LOC122539214: variants seen among roughly 807,000 people sequenced by gnomAD.
chr19:52,681,280 C>CAAAAAAAAAAA, the LOC122539214 span, among the ~76,000 whole-genome samples: 149 of 75,418 alleles, frequency 2.0e-3, 16 homozygotes, highest in Non-Finnish European at 2.6e-3. Context: ...GAGACTTTCT[C>CAAAAAAAAAAA]AAAAAAAAAA....
chr19:52,653,058 C>G, the LOC122539214 span: 1 of 1,462,408 alleles, frequency 6.8e-7, no homozygotes. Context: ...ATTCATTACA[C>G]TTGTAAGGTT....
chr19:52,680,918 A>G, the LOC122539214 span, among the ~76,000 whole-genome samples: 1 of 151,512 alleles, frequency 6.6e-6, no homozygotes, highest in African/African-American at 2.4e-5. Flanking sequence ...GGCCTCCACA[A>G]AATATTTTAA....
chr19:52,651,858 T>A, the LOC122539214 span: 1 of 161,572 alleles, frequency 6.2e-6, no homozygotes, highest in African/African-American at 2.4e-5. Context: ...TGTGAGCAAC[T>A]GCACCCTGCC....
chr19:52,679,767 A>G, the LOC122539214 span, among the ~76,000 whole-genome samples: 159 of 152,290 alleles, frequency 1.0e-3, no homozygotes, highest in African/African-American at 3.5e-3. Flanking sequence ...ATAACAGTCA[A>G]AGTGTTCTTC....
chr19:52,686,975 A>G, the LOC122539214 span, among the ~76,000 whole-genome samples: 1 of 151,932 alleles, frequency 6.6e-6, no homozygotes, highest in Admixed American at 6.6e-5. Context: ...TGAGGTCAGG[A>G]GTTTGAGACC....
At chr19:52,655,504 G>A in the LOC122539214 span, 11 of 1,396,752 alleles carry the variant, frequency 7.9e-6, no homozygotes, top group Non-Finnish European at 1.1e-5. Context: ...ACAAAACCAG[G>A]AAGAGCCAAG....
At chr19:52,687,573 A>AATTATATATAT in the LOC122539214 span, among the ~76,000 whole-genome samples, 2 of 36,008 alleles carry the variant, frequency 5.6e-5, no homozygotes, top group African/African-American at 1.2e-4. Flanking sequence ...ATATATATAT[A>AATTATATATAT]AATTTTATAT....
At chr19:52,654,690 C>T in the LOC122539214 span, among the ~76,000 whole-genome samples, 27 of 152,248 alleles carry the variant, frequency 1.8e-4, no homozygotes, top group South Asian at 2.5e-3. Flanking sequence ...GCACTCCAGC[C>T]TGGGCAACAA....
chr19:52,676,989 C>CGGAA, the LOC122539214 span, among the ~76,000 whole-genome samples: 1 of 144,636 alleles, frequency 6.9e-6, no homozygotes, highest in Admixed American at 7.0e-5. Flanking sequence ...ACAAACACTG[C>CGGAA]GGAAGGCCGC....
chr19:52,680,102 C>G, the LOC122539214 span, among the ~76,000 whole-genome samples: 1 of 152,128 alleles, frequency 6.6e-6, no homozygotes, highest in Admixed American at 6.6e-5. Context: ...TTGCTTGAAC[C>G]TTGGAGACAG....
At chr19:52,671,471 C>T in the LOC122539214 span, among the ~76,000 whole-genome samples, 1 of 151,672 alleles carries the variant, frequency 6.6e-6, no homozygotes, top group East Asian at 1.9e-4. Context: ...TCAGACAGGA[C>T]CTAGTTCTGT....
chr19:52,685,989 A>C, the LOC122539214 span, among the ~76,000 whole-genome samples: 2 of 152,150 alleles, frequency 1.3e-5, no homozygotes, highest in African/African-American at 4.8e-5. Context: ...CATTTGTCCA[A>C]ACGCACCAGA....
At chr19:52,657,746 C>T in the LOC122539214 span, among the ~76,000 whole-genome samples, 1 of 151,694 alleles carries the variant, frequency 6.6e-6, no homozygotes, top group East Asian at 1.9e-4. Context: ...ACTTAGGAGG[C>T]TGAGGCAGGA....
chr19:52,656,864 C>CAAAAAAAAAAAAAAAA, the LOC122539214 span, among the ~76,000 whole-genome samples: 2 of 136,564 alleles, frequency 1.5e-5, no homozygotes, highest in African/African-American at 2.6e-5. Flanking sequence ...GACTCCGTCT[C>CAAAAAAAAAAAAAAAA]AAAAAAAAAA....
the LOC122539214 span, chr19:52,651,195 C>G: frequency 1.3e-5 from 2 of 152,204 alleles, no homozygotes; most frequent in African/African-American, 4.8e-5. Context: ...CTATTCTCAG[C>G]AAAATTCCAT....
chr19:52,672,632 T>C, the LOC122539214 span, among the ~76,000 whole-genome samples: 1 of 152,172 alleles, frequency 6.6e-6, no homozygotes, highest in Non-Finnish European at 1.5e-5. Flanking sequence ...TGAGTTTGGT[T>C]CTTGTTGCCT....
the LOC122539214 span, among the ~76,000 whole-genome samples, chr19:52,682,674 CAAGAAAAAGAAAAAGAAAAAGAAA>C: frequency 0.3 from 44,929 of 149,910 alleles, 8,009 homozygotes; most frequent in South Asian, 0.41. Flanking sequence ...TCTCAAAAAA[CAAGAAAAAGAAAAAGAAAAAGAAA>C]AAGAAAAAGA....
chr19:52,666,098 A>G, the LOC122539214 span, among the ~76,000 whole-genome samples: 1 of 149,666 alleles, frequency 6.7e-6, no homozygotes, highest in African/African-American at 2.5e-5. Context: ...CGGGAGGCGG[A>G]GCTTGCAGTG....
chr19:52,652,721 A>G, the LOC122539214 span: 1 of 689,998 alleles, frequency 1.4e-6, no homozygotes, highest in African/African-American at 1.8e-5. Flanking sequence ...GAATCATTAC[A>G]TTTGTAAAGT....
Sources: gnomAD v4.1 joint callset for allele counts (sites outside exome capture counted in the v4.1 genomes callset) on GRCh38, gnomAD v4.1.1 for gene constraint, MANE v1.5 for transcripts.